The following HMGCLL1 variants were observed in gnomAD, a reference collection of about 807,000 sequenced individuals.
The protein encoded by HMGCLL1 is 3-hydroxy-3-methylglutaryl-CoA lyase like 1.
Under a neutral mutation model 39.1 loss-of-function variants are expected in HMGCLL1, and 36 were observed. The observed-to-expected ratio is 0.92, with a 90% CI of 0.71 to 1.22. HMGCLL1 has a LOEUF of 1.22. Among genes scored for constraint, HMGCLL1 ranks in the 50% most tolerant of loss-of-function variants. HMGCLL1 has a pLI of 0.00. For missense variants in HMGCLL1, 451 were observed against 416.5 expected, an observed-to-expected ratio of 1.08 and a Z score of -0.72; for synonymous variants, 149 against 144.0, an observed-to-expected ratio of 1.03 and a Z score of -0.25.
At chr6:55,454,086 TC>T (rs1306146485) in intron 7 of HMGCLL1, among the ~76,000 whole-genome samples, 2 of 152,224 alleles carry the variant, frequency 1.3e-5, no homozygotes, top group South Asian at 4.1e-4. Context: ...TTTTTCCACT[TC>T]CCCATTTGCA....
At chr6:55,592,555 G>C in the HMGCLL1 span, among the ~76,000 whole-genome samples, 2 of 152,002 alleles carry the variant, frequency 1.3e-5, no homozygotes, top group Non-Finnish European at 2.9e-5. Context: ...TCCTGTGCAT[G>C]GTGGGGATTT....
intron 1 of HMGCLL1, among the ~76,000 whole-genome samples, chr6:55,559,628 C>T (rs1046851533): frequency 1.1e-4 from 16 of 152,160 alleles, no homozygotes; most frequent in Non-Finnish European, 2.1e-4. Context: ...CAAAAATTCA[C>T]CTGCAATTAT....
chr6:55,439,179 T>C (rs759791015), intron 8 of HMGCLL1, among the ~76,000 whole-genome samples: 2 of 152,064 alleles, frequency 1.3e-5, no homozygotes, highest in African/African-American at 2.4e-5. Flanking sequence ...AGATAATACA[T>C]GAAAAAGTTC....
intron 5 of HMGCLL1, among the ~76,000 whole-genome samples, chr6:55,509,968 T>C (rs1767357484): frequency 6.6e-6 from 1 of 151,968 alleles, no homozygotes; most frequent in African/African-American, 2.4e-5. Flanking sequence ...TAAAAAATTA[T>C]GACTAAAGTA....
At chr6:55,519,829 G>T (rs983663154) in intron 3 of HMGCLL1, among the ~76,000 whole-genome samples, 1 of 151,828 alleles carries the variant, frequency 6.6e-6, no homozygotes, top group African/African-American at 2.4e-5. Flanking sequence ...ATCATAAAAC[G>T]GAATAATGGG....
At chr6:55,527,964 T>G (rs2127446431) in intron 3 of HMGCLL1, among the ~76,000 whole-genome samples, 1 of 152,192 alleles carries the variant, frequency 6.6e-6, no homozygotes, top group African/African-American at 2.4e-5. Context: ...ATTCTCTGTT[T>G]AATCAACTAT....
At chr6:55,641,363 A>G in the HMGCLL1 span, among the ~76,000 whole-genome samples, 1 of 152,056 alleles carries the variant, frequency 6.6e-6, no homozygotes, top group South Asian at 2.1e-4. Context: ...ACTGACCAAA[A>G]AGGTGGGCCC....
intron 7 of HMGCLL1, among the ~76,000 whole-genome samples, chr6:55,459,458 C>T (rs1764465160): frequency 6.6e-6 from 1 of 151,942 alleles, no homozygotes. Flanking sequence ...GAGAGTGAGG[C>T]ATGGGGAGCA....
chr6:55,535,513 C>T (rs1019385681), intron 3 of HMGCLL1, among the ~76,000 whole-genome samples: 8 of 152,124 alleles, frequency 5.3e-5, no homozygotes, highest in African/African-American at 7.2e-5. Flanking sequence ...ATCTCCATGC[C>T]GGCATCTTAG....
chr6:55,509,764 C>T (rs1056254475), intron 5 of HMGCLL1, among the ~76,000 whole-genome samples: 2 of 151,748 alleles, frequency 1.3e-5, no homozygotes, highest in Non-Finnish European at 2.9e-5. Flanking sequence ...GAATTCTTCA[C>T]GATTGTATGT....
chr6:55,599,169 G>A, the HMGCLL1 span, among the ~76,000 whole-genome samples: 1 of 151,916 alleles, frequency 6.6e-6, no homozygotes, highest in African/African-American at 2.4e-5. Context: ...TGTAGATGAC[G>A]GGTTGATGGG....
intron 5 of HMGCLL1, chr6:55,512,478 G>A (rs893237742): frequency 2.0e-5 from 3 of 151,972 alleles, no homozygotes; most frequent in South Asian, 2.1e-4. Context: ...GTCTTTGGAA[G>A]TACATTGCCT....
At chr6:55,658,587 G>A in the HMGCLL1 span, among the ~76,000 whole-genome samples, 2 of 151,660 alleles carry the variant, frequency 1.3e-5, no homozygotes, top group Non-Finnish European at 2.9e-5. Flanking sequence ...ATGAATATAG[G>A]GAAACCAACA....
chr6:55,446,641 A>G (rs565348099), intron 7 of HMGCLL1, among the ~76,000 whole-genome samples: 2 of 152,110 alleles, frequency 1.3e-5, no homozygotes, highest in East Asian at 3.9e-4. Flanking sequence ...TTGATTCTGT[A>G]TGATGTTCTA....
chr6:55,440,006 G>A (rs1763529867), intron 7 of HMGCLL1, among the ~76,000 whole-genome samples: 1 of 152,118 alleles, frequency 6.6e-6, no homozygotes, highest in African/African-American at 2.4e-5. Context: ...GCAGGGGAGA[G>A]AGAAGTCACT....
intron 7 of HMGCLL1, among the ~76,000 whole-genome samples, chr6:55,488,237 A>T (rs969608511): frequency 4.9e-4 from 74 of 152,104 alleles, no homozygotes; most frequent in African/African-American, 1.8e-3. Context: ...ATAAAATAGT[A>T]TTACTTAACC....
chr6:55,587,283 T>G, the HMGCLL1 span, among the ~76,000 whole-genome samples: 1 of 152,120 alleles, frequency 6.6e-6, no homozygotes, highest in African/African-American at 2.4e-5. Context: ...CTTTGTAGAT[T>G]CTGGATATTA....
rs568464939 is a variant in HMGCLL1 at position 55,517,973 on chromosome 6, C to A, written c.298-1370G>T. ...CTCACTTAATTCTATACTATTGTATCCACTATCCCCTGCCTCACCAATTCC... is the reference window on the plus strand; with the variant it reads ...CTCACTTAATTCTATACTATTGTATACACTATCCCCTGCCTCACCAATTCC... On this transcript the variant is annotated intron_variant, in intron 3 of 8. Transcript: ENST00000274901. Among the ~76,000 whole-genome samples, 4 of 152,160 alleles carry A rather than the reference C, an allele frequency of 2.6e-5. No homozygotes were observed. The South Asian group carries it at 8.3e-4, about 32-fold the overall frequency.
At chr6:55,496,200 C>G (rs1305800109) in intron 6 of HMGCLL1, among the ~76,000 whole-genome samples, 2 of 151,642 alleles carry the variant, frequency 1.3e-5, no homozygotes, top group Non-Finnish European at 2.9e-5. Flanking sequence ...GCAGACAAAT[C>G]CCATAGCATA....
Sources: gnomAD v4.1 joint callset for allele counts (sites outside exome capture counted in the v4.1 genomes callset) on GRCh38, gnomAD v4.1.1 for gene constraint, MANE v1.5 for transcripts, NCBI Gene and HGNC (gene_info 2026-07-23, HGNC 2026-07-21) for gene names.